The following PTK7 variants were observed in gnomAD, a reference collection of about 807,000 sequenced individuals.
PTK7 encodes protein tyrosine kinase 7 (inactive), also known as inactive tyrosine-protein kinase 7.
In PTK7, 39 loss-of-function variants were observed where a neutral mutation model predicts 116.6. That is an observed-to-expected ratio of 0.33 (90% CI 0.26 to 0.44). PTK7 has a LOEUF of 0.44. Among genes scored for constraint, PTK7 ranks in the 20% least tolerant of loss-of-function variants. The pLI is 1.00. For synonymous variants in PTK7, 546 were observed against 563.6 expected (o/e 0.97, Z 0.44); for missense variants, 1,169 against 1,425.6 (o/e 0.82, Z 2.90).
chr6:43,143,500 G>A lies in PTK7; in HGVS notation c.2131G>A (p.Ala711Thr). The change falls in exon 14 of 20, where the codon GCC becomes ACC. Residue 711 changes from alanine to threonine, a missense_variant. Ala to Thr is a moderately conservative substitution (Grantham distance 58). Coordinates refer to ENST00000230419, the MANE Select transcript of PTK7 (RefSeq NM_002821.5). This position sits in a 1 kb window ranked among gnomAD's most constrained non-coding sequence, Gnocchi z 4.2. ...MIQTIGLSVG[A>T]AVAYIIAVLG... is the part of the protein sequence containing the mutation. ...CCAGACCATTGGGTTGTCGGTGGGT[G>A]CCGCTGTGGCCTACATCATTGCCGT... 6.2e-7 allele frequency: 1 copy of A among 1,614,100 alleles called. No individual in the cohort carries two copies. The highest frequency in any genetic ancestry group is 8.5e-7 in the Non-Finnish European group (1 of 1,180,046).
chr6:43,086,879 C>G (rs1187150891), intron 1 of PTK7, among the ~76,000 whole-genome samples: 2 of 152,102 alleles, frequency 1.3e-5, no homozygotes, highest in Non-Finnish European at 2.9e-5. Context: ...AAAAACCCTT[C>G]CTCCAGGTAG....
At chr6:43,103,352 G>A (rs775559254) in intron 1 of PTK7, among the ~76,000 whole-genome samples, 4 of 152,136 alleles carry the variant, frequency 2.6e-5, no homozygotes, top group Admixed American at 6.6e-5. Context: ...TTAAAGGCTA[G>A]GTTGAGCAAG....
intron 1 of PTK7, among the ~76,000 whole-genome samples, chr6:43,128,460 G>A (rs1424790786): frequency 6.6e-6 from 1 of 152,194 alleles, no homozygotes; most frequent in Non-Finnish European, 1.5e-5. Flanking sequence ...CTGTGTCTTT[G>A]TATCCTACAG....
intron 1 of PTK7, among the ~76,000 whole-genome samples, chr6:43,110,630 G>A (rs1324744744): frequency 6.6e-6 from 1 of 150,416 alleles, no homozygotes; most frequent in Admixed American, 6.6e-5. Context: ...GGCTGGTTTT[G>A]AGCTCCTGTC....
At chr6:43,157,076 A>G (rs1283919066) in intron 17 of PTK7, among the ~76,000 whole-genome samples, 2 of 151,700 alleles carry the variant, frequency 1.3e-5, no homozygotes, top group African/African-American at 4.8e-5. Context: ...GAAAGAAATT[A>G]TCACAAAAGT....
intron 1 of PTK7, among the ~76,000 whole-genome samples, chr6:43,116,602 GTT>G (rs148172781): frequency 1.6e-3 from 195 of 124,690 alleles, no homozygotes; most frequent in Admixed American, 3.4e-3. Context: ...GGAAAAGCTG[GTT>G]TGTGTGTGTG....
chr6:43,155,536 C>T (rs538838031), intron 17 of PTK7, among the ~76,000 whole-genome samples: 168 of 151,344 alleles, frequency 1.1e-3, no homozygotes, highest in Non-Finnish European at 2.1e-3. Context: ...CCCAGCTACT[C>T]GGGAGGTTGA....
chr6:43,128,824 T>G (rs1033775815), intron 1 of PTK7, among the ~76,000 whole-genome samples, 153 bp from the exon 2 acceptor site: 9 of 152,116 alleles, frequency 5.9e-5, no homozygotes, highest in Non-Finnish European at 1.2e-4. Context: ...TTCAGGGGAC[T>G]CTTGCAATTG....
In PTK7 at chr6:43,130,266, T is replaced by A. The variant is rs1433937942; in HGVS notation, c.507T>A (p.Leu169=). 3 of 1,601,994 alleles carry A rather than the reference T, an allele frequency of 1.9e-6. No individual in the cohort carries two copies. The highest frequency in any genetic ancestry group is 2.6e-6 in the Non-Finnish European group (3 of 1,171,786). The change falls in exon 4 of 20, where the codon CTT becomes CTA. Residue 169 remains leucine, a synonymous_variant. Transcript: ENST00000230419. ...AATGGTTCCGAGATGGGACCCCCCTTTCTGATGGTCAGAGCAACCACACAG... is the reference window on the plus strand; with the variant it reads ...AATGGTTCCGAGATGGGACCCCCCTATCTGATGGTCAGAGCAACCACACAG... The part of the protein sequence containing the change: ...TYQWFRDGTP[L]SDGQSNHTVS...
At chr6:43,157,171 T>G (rs1420954593) in intron 17 of PTK7, among the ~76,000 whole-genome samples, 1 of 147,718 alleles carries the variant, frequency 6.8e-6, no homozygotes, top group Non-Finnish European at 1.5e-5. Flanking sequence ...GATTGTGGTT[T>G]TTTTTTTTTT....
chr6:43,159,830 G>C lies in PTK7; in HGVS notation c.2916G>C (p.Trp972Cys). 1 of 1,614,204 alleles carries C rather than the reference G, an allele frequency of 6.2e-7. No individual in the cohort carries two copies. Among genetic ancestry groups the C allele is most frequent in the South Asian group, 1.1e-5 (1 of 91,090 alleles). ...GCCAGGCCTGGGTGCCGCTGCGCTG[G>C]ATGTCCCCCGAGGCCATCCTGGAGG... ...HFRQAWVPLR[W>C]MSPEAILEGD... The change falls in exon 19 of 20, where the codon TGG becomes TGC. Residue 972 changes from tryptophan to cysteine, a missense_variant. Trp to Cys is a radical substitution (Grantham distance 215, BLOSUM62 -2). Coordinates refer to ENST00000230419, the MANE Select transcript of PTK7 (RefSeq NM_002821.5).
At chr6:43,142,499 G>A in intron 13 of PTK7, 200 bp downstream of exon 13, 1 of 836,638 alleles carries the variant, frequency 1.2e-6, no homozygotes, top group South Asian at 1.5e-5. Context: ...ACATCCAACG[G>A]TCGGTGTGTG....
chr6:43,147,546 A>G (rs1770796624), intron 17 of PTK7, among the ~76,000 whole-genome samples: 2 of 152,220 alleles, frequency 1.3e-5, no homozygotes, highest in Admixed American at 6.5e-5. Context: ...AGGGCAGGGT[A>G]GGCAGAAGGC....
rs1161340767 is a variant in PTK7 at position 43,161,294 on chromosome 6, C to T, written c.*413C>T. 1 of 195,314 alleles carries T rather than the reference C, an allele frequency of 5.1e-6. No homozygotes were observed. 12.1% of individuals were successfully genotyped at this position (195,314 alleles called of 1,614,324 possible). ...GGGAGTTCCTTAATATTCTCAAGTT[C>T]TGGGCACACAGGGTTAATGAGTCTC... On this transcript the variant is annotated 3_prime_UTR_variant, in exon 20 of 20. Coordinates refer to ENST00000230419, the MANE Select transcript of PTK7 (RefSeq NM_002821.5).
intron 17 of PTK7, among the ~76,000 whole-genome samples, chr6:43,157,344 AT>A (rs1771510067): frequency 9.2e-5 from 1 of 10,850 alleles, no homozygotes. Flanking sequence ...ATATATATAT[AT>A]ATATATATAT....
chr6:43,079,339 T>C (rs1582043975), intron 1 of PTK7, among the ~76,000 whole-genome samples: 2 of 151,942 alleles, frequency 1.3e-5, no homozygotes, highest in African/African-American at 2.4e-5. Flanking sequence ...TGGTGGCGGG[T>C]GCCCGTAGTC....
rs574191714 is a variant in PTK7, at chr6:43,097,383, G to A, written c.79+20816G>A. Among the ~76,000 whole-genome samples the A allele has an allele frequency of 3.9e-5, 6 of 152,290 alleles. No homozygotes were observed. The South Asian group carries it at 1.2e-3, about 32-fold the overall frequency. Reference sequence around the variant, plus strand: ...TGCCACCACAAATATCCTTGTACCTGTCTTTGTCCTTGTGCTTGTATATCT... The same window carrying A: ...TGCCACCACAAATATCCTTGTACCTATCTTTGTCCTTGTGCTTGTATATCT... On this transcript the variant is annotated intron_variant, in intron 1 of 19. Coordinates refer to ENST00000230419, the MANE Select transcript of PTK7 (RefSeq NM_002821.5).
At chr6:43,087,587 C>T (rs1396570731) in intron 1 of PTK7, among the ~76,000 whole-genome samples, 1 of 152,190 alleles carries the variant, frequency 6.6e-6, no homozygotes, top group African/African-American at 2.4e-5. Context: ...AGGAGGAGCA[C>T]TAGGGTCAGT....
intron 1 of PTK7, among the ~76,000 whole-genome samples, chr6:43,116,370 G>A (rs1768520055): frequency 1.3e-5 from 2 of 152,068 alleles, no homozygotes; most frequent in Non-Finnish European, 2.9e-5. Flanking sequence ...TCGTGTCCCC[G>A]CAGCCTGCTG....
Sources: gnomAD v4.1 joint callset for allele counts (sites outside exome capture counted in the v4.1 genomes callset) on GRCh38, gnomAD v4.1.1 for gene constraint, Gnocchi (gnomAD v3.1) non-coding constraint, MANE v1.5 for transcripts, NCBI Gene and HGNC (gene_info 2026-07-23, HGNC 2026-07-21) for gene names.